The following TINAGL1 variants were observed in gnomAD, a reference collection of about 807,000 sequenced individuals.
TINAGL1 encodes the protein tubulointerstitial nephritis antigen-like.
A neutral mutation model predicts 62.0 loss-of-function variants in TINAGL1; 34 were observed. The observed-to-expected ratio is 0.55, with a 90% CI of 0.42 to 0.73. TINAGL1 has a LOEUF of 0.73. Among genes scored for constraint, TINAGL1 ranks in the 30% least tolerant of loss-of-function variants. The pLI is 0.00. For missense variants in TINAGL1, 516 were observed against 653.2 expected, an observed-to-expected ratio of 0.79 and a Z score of 2.29; for synonymous variants, 221 against 249.7, an observed-to-expected ratio of 0.88 and a Z score of 1.08.
In TINAGL1 at chr1:31,576,617, G is replaced by GAGGGC. The variant is rs1290288697; in HGVS notation, c.-16+23_-16+27dup. 1 of 152,710 alleles carries GAGGGC rather than the reference G, an allele frequency of 6.5e-6. No individual in the cohort carries two copies. The highest frequency in any genetic ancestry group is 1.5e-5 in the Non-Finnish European group (1 of 68,430). 9.5% of individuals were successfully genotyped at this position (152,710 alleles called of 1,614,324 possible). On this transcript the variant is annotated intron_variant, in intron 1 of 11. Coordinates refer to ENST00000271064, the MANE Select transcript of TINAGL1 (RefSeq NM_022164.3). This position sits in a 1 kb window ranked among gnomAD's most constrained non-coding sequence, Gnocchi z 5.1. ...CCAGGTAGGGACGCTCCCCTGCTCAGAGGGCGGAAGGTGTAGACAGAGAAG... is the reference window on the plus strand; with the variant it reads ...CCAGGTAGGGACGCTCCCCTGCTCAGAGGGCAGGGCGGAAGGTGTAGACAGAGAAG...
intron 2 of TINAGL1, chr1:31,578,199 C>T: frequency 1.0e-6 from 1 of 986,054 alleles, no homozygotes; most frequent in Non-Finnish European, 1.2e-6. Context: ...GTGTGTGACC[C>T]TGCAGGATTT....
intron 2 of TINAGL1, chr1:31,578,050 C>G (rs1206069876): frequency 1.7e-6 from 1 of 604,196 alleles, no homozygotes; most frequent in African/African-American, 2.0e-5. Context: ...CTTGGCTTCC[C>G]CATGCTCCTC....
Position 31,577,143 on chromosome 1 carries a change from G to A in TINAGL1, c.-6G>A, listed in dbSNP as rs781766613. ...CATCTCTGCCCCCCAGGGCCCAGGA[G>A]CCACCATGTGGCGATGTCCACTGGG... On this transcript the variant is annotated 5_prime_UTR_variant, in exon 2 of 12. Transcript: ENST00000271064. The surrounding 1 kb of genome is among the most constrained non-coding windows in gnomAD (Gnocchi z 5.4). 1.7e-5 allele frequency: 26 copies of A among 1,506,034 alleles called. No homozygotes were observed. Among genetic ancestry groups the A allele is most frequent in the Middle Eastern group, 4.7e-4 (2 of 4,300 alleles). The allele number at this position is 1,506,034 out of a possible 1,614,324, so 93.3% of individuals were successfully genotyped here.
intron 3 of TINAGL1, chr1:31,580,423 G>A (rs1000060719): frequency 4.7e-6 from 6 of 1,289,240 alleles, no homozygotes; most frequent in Admixed American, 2.3e-5. Flanking sequence ...CTCTGGGGGC[G>A]AGGGTGGGGG....
Position 31,584,806 on chromosome 1 carries a change from G to GCCTTCT in TINAGL1, c.706+7_706+8insTTCTCC. On this transcript the variant is annotated splice_donor_region_variant and intron_variant, in intron 6 of 11. Coordinates refer to ENST00000271064, the MANE Select transcript of TINAGL1 (RefSeq NM_022164.3). The surrounding 1 kb of genome is among the most constrained non-coding windows in gnomAD (Gnocchi z 4.0). Reference sequence around the variant, plus strand: ...CCTGGGCCTTCTCCACAGCAGGTAAGCCAAGGGCAAGGGCTGGCGCCTGGG... The same window carrying GCCTTCT: ...CCTGGGCCTTCTCCACAGCAGGTAAGCCTTCTCCAAGGGCAAGGGCTGGCGCCTGGG... The GCCTTCT allele has an allele frequency of 6.2e-7, 1 of 1,614,268 alleles. No homozygotes were observed.
chr1:31,577,029 T>G lies in TINAGL1; in HGVS notation c.-15-105T>G, dbSNP rs1638985826. The G allele has an allele frequency of 9.5e-7, 1 of 1,056,714 alleles. No individual in the cohort carries two copies. Among genetic ancestry groups the G allele is most frequent in the Admixed American group, 3.1e-5 (1 of 32,514 alleles). 65.5% of individuals were successfully genotyped at this position (1,056,714 alleles called of 1,614,324 possible). On this transcript the variant is annotated intron_variant, in intron 1 of 11. Coordinates refer to ENST00000271064, the MANE Select transcript of TINAGL1 (RefSeq NM_022164.3). The surrounding 1 kb of genome is among the most constrained non-coding windows in gnomAD (Gnocchi z 5.4). Reference sequence around the variant, plus strand: ...CTGCCTGGGGACTCAGGAATCGGGATCTCCCTCCCTGCTGGGCCCTCTTGA... The same window carrying G: ...CTGCCTGGGGACTCAGGAATCGGGAGCTCCCTCCCTGCTGGGCCCTCTTGA...
At chr1:31,580,217 C>CTCTG (rs1557558002) in intron 3 of TINAGL1, 5 of 728,712 alleles carry the variant, frequency 6.9e-6, no homozygotes, top group East Asian at 1.1e-4. Context: ...CTCTCTGTCT[C>CTCTG]TCTCTCTCTG....
In TINAGL1 at chr1:31,585,853, G is replaced by A. The variant is rs1280002598; in HGVS notation, c.1194G>A (p.Gly398=). ...GGCCAGAGAGATACCGCCGGCATGG[G>A]ACCCACTCAGTCAAGATCACAGGGT... ...LGRPERYRRH[G]THSVKITGWG... Residue 398 remains glycine, a synonymous_variant, in exon 10 of 12, where the codon GGG becomes GGA. Coordinates refer to ENST00000271064, the MANE Select transcript of TINAGL1 (RefSeq NM_022164.3). The surrounding 1 kb of genome is among the most constrained non-coding windows in gnomAD (Gnocchi z 4.3). 3 of 1,600,952 alleles carry A rather than the reference G, an allele frequency of 1.9e-6. No homozygotes were observed. The highest frequency in any genetic ancestry group is 1.1e-5 in the South Asian group (1 of 88,930).
chr1:31,587,322 CTTT>C lies in TINAGL1; in HGVS notation c.*357_*359del, dbSNP rs937483688. 61 of 150,622 alleles carry C rather than the reference CTTT, an allele frequency of 4.0e-4. No homozygotes were observed. The highest frequency in any genetic ancestry group is 2.8e-3 in the Middle Eastern group (1 of 352). The allele number at this position is 150,622 out of a possible 1,614,324, so 9.3% of individuals were successfully genotyped here. On this transcript the variant is annotated 3_prime_UTR_variant, in exon 12 of 12. Coordinates refer to ENST00000271064, the MANE Select transcript of TINAGL1 (RefSeq NM_022164.3). ...CACTACCCCACCCCACTCCTGTATT[CTTT>C]TTTTTTTTTTTTTAGACAGGGTCTT...
Position 31,583,724 on chromosome 1 carries a change from C to G in TINAGL1, c.582+149C>G, listed in dbSNP as rs1446050417. 3.0e-6 allele frequency: 2 copies of G among 659,894 alleles called. No individual in the cohort carries two copies. The highest frequency in any genetic ancestry group is 3.6e-5 in the African/African-American group (2 of 55,566). 40.9% of individuals were successfully genotyped at this position (659,894 alleles called of 1,614,324 possible). A position where few individuals can be genotyped will look rare whatever the true frequency, so the allele number is the denominator to read the frequency against. ...GGACAAGTTACTCCCCTTCTCTGGG[C>G]CTCTGTTCCCTGCTTCCACAGGATG... On this transcript the variant is annotated intron_variant, in intron 5 of 11. Coordinates refer to ENST00000271064, the MANE Select transcript of TINAGL1 (RefSeq NM_022164.3). This position sits in a 1 kb window ranked among gnomAD's most constrained non-coding sequence, Gnocchi z 4.4.
At position 31,583,084 on chromosome 1, in the gene TINAGL1, G is replaced by T; in HGVS notation, c.375-65G>T. ...TCCCTGGCCCATGTTAACCTCCGAG[G>T]CCACATTCCTTCAAAGTATCCCCAG... On this transcript the variant is annotated intron_variant, in intron 3 of 11. Transcript: ENST00000271064. The surrounding 1 kb of genome is among the most constrained non-coding windows in gnomAD (Gnocchi z 4.4). The T allele has an allele frequency of 6.8e-7, 1 of 1,466,492 alleles. No individual in the cohort carries two copies. 90.8% of individuals were successfully genotyped at this position (1,466,492 alleles called of 1,614,324 possible).
Position 31,579,285 on chromosome 1 carries a change from A to G in TINAGL1, c.374+18A>G. The G allele has an allele frequency of 6.2e-7, 1 of 1,612,410 alleles. No individual in the cohort carries two copies. The highest frequency in any genetic ancestry group is 8.5e-7 in the Non-Finnish European group (1 of 1,178,494). On this transcript the variant is annotated intron_variant, in intron 3 of 11. Transcript: ENST00000271064. Reference sequence around the variant, plus strand: ...AACCGTTGGTGAGTGTTTGGAGCTTAGAGGGGTCTTGCTTTGTGAGCCTGT... The same window carrying G: ...AACCGTTGGTGAGTGTTTGGAGCTTGGAGGGGTCTTGCTTTGTGAGCCTGT...
chr1:31,577,001 G>A lies in TINAGL1; in HGVS notation c.-15-133G>A, dbSNP rs1400345313. 1 of 812,186 alleles carries A rather than the reference G, an allele frequency of 1.2e-6. No individual in the cohort carries two copies. The highest frequency in any genetic ancestry group is 2.0e-5 in the South Asian group (1 of 51,002). The allele number at this position is 812,186 out of a possible 1,614,324, so 50.3% of individuals were successfully genotyped here. A position where few individuals can be genotyped will look rare whatever the true frequency, so the allele number is the denominator to read the frequency against. ...CACACACTGGGGCTCCTCTGCCCGT[G>A]TCCTGCCTGGGGACTCAGGAATCGG... is the stretch of plus-strand genomic sequence containing the variant. On this transcript the variant is annotated intron_variant, in intron 1 of 11. Transcript: ENST00000271064. This position sits in a 1 kb window ranked among gnomAD's most constrained non-coding sequence, Gnocchi z 5.4.
chr1:31,580,240 T>TG, intron 3 of TINAGL1: 2 of 956,754 alleles, frequency 2.1e-6, no homozygotes, highest in South Asian at 1.8e-5. Context: ...TCTCTCTGTC[T>TG]CTCTCTCTCT....
At chr1:31,581,412 T>C (rs1299323358) in intron 3 of TINAGL1, among the ~76,000 whole-genome samples, 1 of 152,036 alleles carries the variant, frequency 6.6e-6, no homozygotes, top group Non-Finnish European at 1.5e-5. Context: ...GGTAGGTGGA[T>C]TCCTCATGTG....
intron 3 of TINAGL1, chr1:31,579,660 G>T: frequency 5.8e-6 from 1 of 172,466 alleles, no homozygotes; most frequent in East Asian, 1.7e-4. Context: ...GTCAGGGATG[G>T]CTGAGCGGGC....
rs1557554925 is a variant in TINAGL1, at chr1:31,578,429, CA to C, written c.311-774del. Among the ~76,000 whole-genome samples the C allele has an allele frequency of 1.4e-3, 76 of 53,840 alleles. No homozygotes were observed. The Middle Eastern group carries it at 0.048, about 34-fold the overall frequency. 35.3% of individuals were successfully genotyped at this position (53,840 alleles called of 152,430 possible). A position where few individuals can be genotyped will look rare whatever the true frequency, so the allele number is the denominator to read the frequency against. On this transcript the variant is annotated intron_variant, in intron 2 of 11. Coordinates refer to ENST00000271064, the MANE Select transcript of TINAGL1 (RefSeq NM_022164.3). ...TTCAGTTATAGTTTAATTTTAGTGACAGCTGGTGTGTGTGTGTGTGTGTGTG... is the reference window on the plus strand; with the variant it reads ...TTCAGTTATAGTTTAATTTTAGTGACGCTGGTGTGTGTGTGTGTGTGTGTG...
In TINAGL1 at chr1:31,586,724, C is replaced by CTGCCCA; in HGVS notation, c.1232_1233insTGCCCA (p.Thr411_Leu412insAlaGln). 6.4e-7 allele frequency: 1 copy of CTGCCCA among 1,557,614 alleles called. No individual in the cohort carries two copies. Among genetic ancestry groups the CTGCCCA allele is most frequent in the Non-Finnish European group, 8.7e-7 (1 of 1,150,314 alleles). On this transcript the variant is annotated inframe_insertion, in exon 11 of 12. Coordinates refer to ENST00000271064, the MANE Select transcript of TINAGL1 (RefSeq NM_022164.3). Reference sequence around the variant, plus strand: ...TCTGCCCACAGATGGGGAGAGGAGACGCTGCCAGATGGAAGGACGCTCAAA... The same window carrying CTGCCCA: ...TCTGCCCACAGATGGGGAGAGGAGACTGCCCAGCTGCCAGATGGAAGGACGCTCAAA...
At position 31,583,663 on chromosome 1, in the gene TINAGL1, C is replaced by A. The variant is rs529984503; in HGVS notation, c.582+88C>A. On this transcript the variant is annotated intron_variant, in intron 5 of 11. Transcript: ENST00000271064. The surrounding 1 kb of genome is among the most constrained non-coding windows in gnomAD (Gnocchi z 4.4). ...GCCCTGTGCCCTGCTCCTCCAAGGG[C>A]CTGGACCATCCCCTACTACAAGGCT... The A allele has an allele frequency of 1.8e-6, 2 of 1,139,688 alleles. No homozygotes were observed. The highest frequency in any genetic ancestry group is 3.1e-5 in the African/African-American group (2 of 65,402). The allele number at this position is 1,139,688 out of a possible 1,614,324, so 70.6% of individuals were successfully genotyped here.
Sources: allele counts gnomAD v4.1 joint callset (sites outside exome capture counted in the v4.1 genomes callset), GRCh38; gene constraint gnomAD v4.1.1; non-coding constraint Gnocchi (gnomAD v3.1); transcripts MANE v1.5; gene names NCBI Gene and HGNC (gene_info 2026-07-23, HGNC 2026-07-21).